The following DISC1 variants were observed in gnomAD, a reference collection of about 807,000 sequenced individuals.
DISC1 encodes the protein disrupted in schizophrenia 1 protein.
DISC1 carries 57 observed loss-of-function variants against 84.5 expected under a neutral mutation model. That is an observed-to-expected ratio of 0.67 (90% CI 0.55 to 0.84). The LOEUF is 0.84. DISC1 is among the 40% of genes least tolerant of loss of function. The probability of loss-of-function intolerance (pLI) is 0.00; values close to 1 mark genes in which losing one functional copy is unlikely to be tolerated. For missense variants in DISC1, 1,000 were observed against 1,057.8 expected (o/e 0.95, Z 0.76); for synonymous variants, 411 against 415.2 (o/e 0.99, Z 0.12).
At chr1:232,008,759 A>G in intron 10 of DISC1, 26 bp from the exon 11 acceptor site, 1 of 1,527,652 alleles carries the variant, frequency 6.5e-7, no homozygotes, top group Non-Finnish European at 8.8e-7. Flanking sequence ...GTTCATTTTT[A>G]TGCCTTTGTT....
chr1:231,723,341 C>G (rs182121721), intron 3 of DISC1: 1 of 985,784 alleles, frequency 1.0e-6, no homozygotes, highest in Non-Finnish European at 1.2e-6. Context: ...GGGCAGGAAG[C>G]TCCTGCAGGA....
chr1:232,013,257 T>C (rs1296278049), intron 11 of DISC1, among the ~76,000 whole-genome samples: 1 of 152,202 alleles, frequency 6.6e-6, no homozygotes, highest in Non-Finnish European at 1.5e-5. Context: ...GCTGCTTCCT[T>C]TCTGAGCCAG....
At chr1:231,719,663 C>G (rs931332066) in intron 3 of DISC1, among the ~76,000 whole-genome samples, 3 of 152,186 alleles carry the variant, frequency 2.0e-5, no homozygotes, top group Non-Finnish European at 4.4e-5. Context: ...ATTATACTCA[C>G]TGGTAAAATA....
At chr1:231,781,459 T>C (rs1342868661) in intron 6 of DISC1, among the ~76,000 whole-genome samples, 3 of 152,186 alleles carry the variant, frequency 2.0e-5, no homozygotes, top group South Asian at 2.1e-4. Flanking sequence ...ATTAATTATT[T>C]TCAACTGGAG....
intron 9 of DISC1, among the ~76,000 whole-genome samples, chr1:231,930,644 G>A (rs1026013724): frequency 2.1e-4 from 32 of 152,072 alleles, no homozygotes; most frequent in African/African-American, 6.5e-4. Flanking sequence ...TGACTGATCT[G>A]AGATCCTAAC....
chr1:231,804,631 T>C (rs182161483), intron 8 of DISC1, among the ~76,000 whole-genome samples: 86 of 152,300 alleles, frequency 5.6e-4, no homozygotes, highest in Admixed American at 4.4e-3. Flanking sequence ...CTCTTCTTTT[T>C]TGATAGCTGT....
intron 9 of DISC1, among the ~76,000 whole-genome samples, chr1:231,952,080 C>T (rs1340152524): frequency 2.0e-5 from 2 of 100,524 alleles, no homozygotes; most frequent in East Asian, 6.5e-4. Context: ...AAGACCTTGT[C>T]TCAATGTCTC....
chr1:231,881,033 C>T (rs1175996072), intron 9 of DISC1, among the ~76,000 whole-genome samples: 6 of 152,088 alleles, frequency 3.9e-5, no homozygotes, highest in Admixed American at 1.3e-4. Flanking sequence ...TGATTAGCGC[C>T]GAGTGTGCTG....
chr1:231,771,579 A>G (rs965321769), intron 6 of DISC1: 49 of 985,388 alleles, frequency 5.0e-5, no homozygotes, highest in East Asian at 1.1e-4. Context: ...AGCTGACTCT[A>G]TGAGTTACTT....
intron 9 of DISC1, among the ~76,000 whole-genome samples, chr1:231,946,538 T>C (rs908347882): frequency 6.6e-6 from 1 of 152,106 alleles, no homozygotes; most frequent in Non-Finnish European, 1.5e-5. Flanking sequence ...AGCATTCCCT[T>C]TGAAAACCAA....
At chr1:231,744,270 G>A (rs1449929182) in intron 3 of DISC1, among the ~76,000 whole-genome samples, 1 of 152,218 alleles carries the variant, frequency 6.6e-6, no homozygotes, top group Non-Finnish European at 1.5e-5. Flanking sequence ...GAGCTGCCTT[G>A]GGCCCACCCA....
chr1:231,947,331 A>C (rs2126148048), intron 9 of DISC1, among the ~76,000 whole-genome samples: 1 of 152,306 alleles, frequency 6.6e-6, no homozygotes, highest in East Asian at 1.9e-4. Flanking sequence ...ATCTTTGACA[A>C]ACCTGACACA....
intron 9 of DISC1, among the ~76,000 whole-genome samples, chr1:231,875,799 G>T (rs1229912805): frequency 6.6e-6 from 1 of 152,094 alleles, no homozygotes; most frequent in Non-Finnish European, 1.5e-5. Context: ...GGACAACTTA[G>T]ATCATTCACA....
chr1:231,739,641 A>C (rs1389442279), intron 3 of DISC1, among the ~76,000 whole-genome samples: 1 of 152,240 alleles, frequency 6.6e-6, no homozygotes, highest in Non-Finnish European at 1.5e-5. Context: ...TGAGTTCTTC[A>C]AGGGCCAGGA....
intron 11 of DISC1, among the ~76,000 whole-genome samples, chr1:232,018,386 G>T (rs568721608): frequency 2.0e-5 from 3 of 152,172 alleles, no homozygotes; most frequent in African/African-American, 7.2e-5. Context: ...TGTCCTTGGA[G>T]ACCCTGGTCA....
intron 2 of DISC1, among the ~76,000 whole-genome samples, chr1:231,701,737 T>A (rs2066445875): frequency 6.6e-6 from 1 of 152,236 alleles, no homozygotes; most frequent in Non-Finnish European, 1.5e-5. Context: ...ACTTTTTATG[T>A]GGATGTTATG....
At chr1:231,919,843 T>C (rs187833058) in intron 9 of DISC1, among the ~76,000 whole-genome samples, 2 of 152,180 alleles carry the variant, frequency 1.3e-5, no homozygotes, top group East Asian at 3.9e-4. Context: ...TTGATACAAA[T>C]CAGATCTGTA....
At chr1:231,931,793 C>T (rs543341077) in intron 9 of DISC1, among the ~76,000 whole-genome samples, 4 of 152,060 alleles carry the variant, frequency 2.6e-5, no homozygotes, top group South Asian at 2.1e-4. Context: ...GGACCAGAGG[C>T]GTGTGCTACC....
In DISC1 at chr1:231,887,614, C is replaced by T. The variant is rs537087827; in HGVS notation, c.1981+69097C>T. 3.9e-5 allele frequency among the ~76,000 whole-genome samples: 6 copies of T among 152,336 alleles called. No individual in the cohort carries two copies. The South Asian group carries it at 6.2e-4, about 16-fold the overall frequency. On this transcript the variant is annotated intron_variant, in intron 9 of 12. Coordinates refer to ENST00000439617, the MANE Select transcript of DISC1 (RefSeq NM_018662.3). ...TTAAGTCTACAGGACTGGGCAGTTA[C>T]GACCTGGACATTAGTCCAGTTTTCT...
Sources: allele counts gnomAD v4.1 joint callset (sites outside exome capture counted in the v4.1 genomes callset), GRCh38; gene constraint gnomAD v4.1.1; transcripts MANE v1.5; gene names NCBI Gene and HGNC (gene_info 2026-07-23, HGNC 2026-07-21).